The following SPMIP4 variants were observed in gnomAD, a reference collection of about 807,000 sequenced individuals.
The protein encoded by SPMIP4 is sperm-associated microtubule inner protein 4.
chr7:25,138,606 C>T, the SPMIP4 span, among the ~76,000 whole-genome samples: 11 of 152,054 alleles, frequency 7.2e-5, no homozygotes, highest in South Asian at 2.1e-3. This position sits in a 1 kb window ranked among gnomAD's most constrained non-coding sequence, Gnocchi z 6.2. Context: ...CCACAGTCAC[C>T]GTATAATCAA....
At chr7:25,144,422 T>C in the SPMIP4 span, among the ~76,000 whole-genome samples, 1 of 152,190 alleles carries the variant, frequency 6.6e-6, no homozygotes, top group African/African-American at 2.4e-5. Context: ...CTTTCTTCTT[T>C]ACCCGCCCCA....
At chr7:25,173,970 AT>A in the SPMIP4 span, among the ~76,000 whole-genome samples, 22 of 152,208 alleles carry the variant, frequency 1.4e-4, no homozygotes, top group African/African-American at 5.3e-4. This position sits in a 1 kb window ranked among gnomAD's most constrained non-coding sequence, Gnocchi z 4.4. Context: ...TACTCACAGA[AT>A]TGTAGAGAAG....
chr7:25,170,446 T>C, the SPMIP4 span, among the ~76,000 whole-genome samples: 1 of 152,258 alleles, frequency 6.6e-6, no homozygotes, highest in Non-Finnish European at 1.5e-5. Context: ...TTGTCAGGGA[T>C]AATAGGCAGA....
the SPMIP4 span, chr7:25,125,976 A>T: frequency 7.1e-6 from 7 of 985,128 alleles, no homozygotes; most frequent in Non-Finnish European, 8.4e-6. Flanking sequence ...ATCCCTCTGG[A>T]ACTGAAAAAT....
At chr7:25,162,852 A>G in the SPMIP4 span, among the ~76,000 whole-genome samples, 1 of 152,062 alleles carries the variant, frequency 6.6e-6, no homozygotes, top group Non-Finnish European at 1.5e-5. Context: ...GCTCACTGCA[A>G]CTTCTACCTC....
the SPMIP4 span, among the ~76,000 whole-genome samples, chr7:25,164,901 C>T: frequency 6.6e-6 from 1 of 152,218 alleles, no homozygotes; most frequent in Non-Finnish European, 1.5e-5. Flanking sequence ...TCCTGAGTTA[C>T]TTCACTTAGA....
chr7:25,177,645 T>G, the SPMIP4 span, among the ~76,000 whole-genome samples: 1 of 152,214 alleles, frequency 6.6e-6, no homozygotes, highest in Non-Finnish European at 1.5e-5. Flanking sequence ...CTTGGCAAAT[T>G]ACTTGTGTGT....
chr7:25,148,497 G>A, the SPMIP4 span, among the ~76,000 whole-genome samples: 2 of 42,282 alleles, frequency 4.7e-5, no homozygotes, highest in African/African-American at 6.7e-5. Context: ...TTTTTTTTGA[G>A]ACAGAGTCTG....
the SPMIP4 span, among the ~76,000 whole-genome samples, chr7:25,176,515 A>G: frequency 6.6e-6 from 1 of 152,222 alleles, no homozygotes. This position sits in a 1 kb window ranked among gnomAD's most constrained non-coding sequence, Gnocchi z 4.4. Flanking sequence ...GCAAGGACTG[A>G]CCCAGAAGTG....
At chr7:25,173,137 G>C in the SPMIP4 span, among the ~76,000 whole-genome samples, 69 of 151,978 alleles carry the variant, frequency 4.5e-4, 1 homozygote, top group African/African-American at 1.6e-3. This position sits in a 1 kb window ranked among gnomAD's most constrained non-coding sequence, Gnocchi z 4.4. Context: ...AAGAGAGAGA[G>C]AGGGAAAGAG....
chr7:25,136,321 TA>T, the SPMIP4 span: 2 of 1,614,206 alleles, frequency 1.2e-6, no homozygotes, highest in Non-Finnish European at 1.7e-6. This position sits in a 1 kb window ranked among gnomAD's most constrained non-coding sequence, Gnocchi z 5.7. Flanking sequence ...ACACATATTA[TA>T]CTGATCACGT....
At chr7:25,148,477 C>CCTTTTTTT in the SPMIP4 span, among the ~76,000 whole-genome samples, 1 of 128,186 alleles carries the variant, frequency 7.8e-6, no homozygotes, top group South Asian at 2.4e-4. Context: ...GAATCTGCCT[C>CCTTTTTTT]TTTTTTTTTT....
At chr7:25,159,989 GAAA>G in the SPMIP4 span, among the ~76,000 whole-genome samples, 354 of 147,886 alleles carry the variant, frequency 2.4e-3, 1 homozygote, top group African/African-American at 8.2e-3. Flanking sequence ...GATTCGAAAT[GAAA>G]AAAAAAAATA....
At chr7:25,159,931 C>A in the SPMIP4 span, among the ~76,000 whole-genome samples, 1 of 151,432 alleles carries the variant, frequency 6.6e-6, no homozygotes, top group African/African-American at 2.4e-5. Flanking sequence ...ACAAATTCCA[C>A]TACAATATTG....
the SPMIP4 span, chr7:25,135,404 T>C: frequency 1.3e-5 from 13 of 985,558 alleles, no homozygotes; most frequent in Non-Finnish European, 1.6e-5. Context: ...TTATTTTCTT[T>C]ACATGTTTAC....
the SPMIP4 span, among the ~76,000 whole-genome samples, chr7:25,158,752 C>T: frequency 1.3e-4 from 19 of 149,794 alleles, no homozygotes; most frequent in Admixed American, 5.3e-4. Flanking sequence ...ACCAAAAATA[C>T]AAAAAAAATT....
chr7:25,168,183 G>A, the SPMIP4 span: 1 of 915,104 alleles, frequency 1.1e-6, no homozygotes, highest in Non-Finnish European at 1.7e-6. Flanking sequence ...TAAATAGTAA[G>A]AGAAATAAGT....
At chr7:25,141,574 GAA>G in the SPMIP4 span, among the ~76,000 whole-genome samples, 2,278 of 94,862 alleles carry the variant, frequency 0.024, 34 homozygotes, top group African/African-American at 0.053. Context: ...CTGTCTCAAG[GAA>G]AAAAAAAAAA....
At chr7:25,135,124 T>C in the SPMIP4 span, 1 of 347,038 alleles carries the variant, frequency 2.9e-6, no homozygotes, top group Non-Finnish European at 4.1e-6. Flanking sequence ...ATGAATTGAC[T>C]TGCATATGGG....
Sources: allele counts gnomAD v4.1 joint callset (sites outside exome capture counted in the v4.1 genomes callset), GRCh38; gene constraint gnomAD v4.1.1; non-coding constraint Gnocchi (gnomAD v3.1); transcripts MANE v1.5; gene names NCBI Gene and HGNC (gene_info 2026-07-23, HGNC 2026-07-21).